Variants in TNKS2 observed in about 807,000 individuals in gnomAD.
TNKS2 encodes poly [ADP-ribose] polymerase tankyrase-2.
A neutral mutation model predicts 137.6 loss-of-function variants in TNKS2; 72 were observed. The observed-to-expected ratio is 0.52, with a 90% CI of 0.43 to 0.64. TNKS2 has a LOEUF of 0.64. Ranked by LOEUF, TNKS2 falls within the 30% of genes least tolerant of loss-of-function variation. The pLI, the probability that TNKS2 is intolerant of heterozygous loss-of-function variation, is 0.00. For missense variants in TNKS2, 1,049 were observed against 1,410.2 expected (o/e 0.74, Z 4.10); for synonymous variants, 516 against 512.1 (o/e 1.01, Z -0.10).
intron 1 of TNKS2, chr10:91,807,043 G>T: frequency 9.1e-7 from 1 of 1,104,798 alleles, no homozygotes; most frequent in South Asian, 1.6e-5. Context: ...ACATTAAAAA[G>T]AAAATTACAA....
At chr10:91,855,562 G>T in intron 22 of TNKS2, 52 bp from the exon 23 acceptor site, 1 of 1,405,686 alleles carries the variant, frequency 7.1e-7, no homozygotes, top group South Asian at 1.2e-5. Context: ...CCCCAAATCA[G>T]AAAATAACAC....
intron 18 of TNKS2, among the ~76,000 whole-genome samples, chr10:91,848,065 A>G (rs950391088): frequency 8.5e-5 from 13 of 152,218 alleles, no homozygotes; most frequent in Non-Finnish European, 1.6e-4. Flanking sequence ...CGGCTTTTGG[A>G]TATTTTTTTC....
chr10:91,843,365 C>G (rs1243322663), intron 16 of TNKS2, among the ~76,000 whole-genome samples: 1 of 152,148 alleles, frequency 6.6e-6, no homozygotes, highest in South Asian at 2.1e-4. Context: ...TCTATATGTC[C>G]TAGTCTCTAC....
In TNKS2 at chr10:91,820,048, A is replaced by G; in HGVS notation, c.728+15A>G. The G allele has an allele frequency of 6.6e-7, 1 of 1,513,180 alleles. No individual in the cohort carries two copies. The highest frequency in any genetic ancestry group is 8.9e-7 in the Non-Finnish European group (1 of 1,123,606). 93.7% of individuals were successfully genotyped at this position (1,513,180 alleles called of 1,614,324 possible). The stretch of plus-strand genomic sequence containing the variant: ...AAAGATAAAGGGTAAGCATTTGAAC[A>G]AAAACAAGGACTTTTTAAATGTTAC... On this transcript the variant is annotated intron_variant, in intron 6 of 26. Coordinates refer to ENST00000371627, the MANE Select transcript of TNKS2 (RefSeq NM_025235.4).
intron 7 of TNKS2, 130 bp downstream of exon 7, chr10:91,822,492 CA>C: frequency 5.9e-6 from 4 of 678,944 alleles, no homozygotes; most frequent in Non-Finnish European, 7.4e-6. Flanking sequence ...TATTTATAAG[CA>C]TTATAAAATA....
rs974699622 is a variant in TNKS2, at chr10:91,845,675, C to T, written c.2170-77C>T. ...AAGTTTGAAAATGTGGAAGTAGGTA[C>T]GTAACTAGTTTCATTTTAAGAAAGT... On this transcript the variant is annotated intron_variant, in intron 17 of 26. Transcript: ENST00000371627. The T allele has an allele frequency of 2.8e-5, 33 of 1,188,774 alleles. No homozygotes were observed. The East Asian group carries it at 8.2e-4, about 29-fold the overall frequency. The allele number at this position is 1,188,774 out of a possible 1,614,324, so 73.6% of individuals were successfully genotyped here.
intron 9 of TNKS2, among the ~76,000 whole-genome samples, chr10:91,829,351 A>G (rs896790925): frequency 2.0e-5 from 3 of 152,200 alleles, no homozygotes; most frequent in African/African-American, 7.2e-5. Flanking sequence ...CCACAACAGC[A>G]TTAAAACTGT....
intron 3 of TNKS2, among the ~76,000 whole-genome samples, chr10:91,818,951 A>G (rs1844797970): frequency 6.6e-6 from 1 of 152,186 alleles, no homozygotes; most frequent in South Asian, 2.1e-4. Flanking sequence ...CTATGACCCA[A>G]GATAAACTTT....
intron 13 of TNKS2, among the ~76,000 whole-genome samples, chr10:91,838,233 G>T (rs1255454714): frequency 6.6e-6 from 1 of 151,798 alleles, no homozygotes; most frequent in African/African-American, 2.4e-5. Flanking sequence ...AAGTTGGGGG[G>T]CAGGAAATGG....
intron 15 of TNKS2, among the ~76,000 whole-genome samples, chr10:91,841,784 A>C (rs1251547210): frequency 6.6e-6 from 1 of 152,122 alleles, no homozygotes; most frequent in Non-Finnish European, 1.5e-5. Context: ...GCATTGATAA[A>C]ATGGATGATA....
rs550496111 is a variant in TNKS2, at chr10:91,858,991, A to G, written c.3095-471A>G. Reference sequence around the variant, plus strand: ...GCCACTGCACTCCAGCCTGGGCCACAGAGCGAGACTACATCTCAAAAAAAT... The same window carrying G: ...GCCACTGCACTCCAGCCTGGGCCACGGAGCGAGACTACATCTCAAAAAAAT... On this transcript the variant is annotated intron_variant, in intron 24 of 26. Coordinates refer to ENST00000371627, the MANE Select transcript of TNKS2 (RefSeq NM_025235.4). Among the ~76,000 whole-genome samples the G allele has an allele frequency of 4.6e-5, 7 of 152,294 alleles. No homozygotes were observed. The South Asian group carries it at 1.5e-3, about 32-fold the overall frequency.
chr10:91,828,696 C>T (rs1403947192), intron 9 of TNKS2, among the ~76,000 whole-genome samples: 1 of 152,070 alleles, frequency 6.6e-6, no homozygotes, highest in Non-Finnish European at 1.5e-5. Context: ...TATAGTTTGC[C>T]TTTTTAGGGG....
rs1490205195 is a variant in TNKS2, at chr10:91,828,350, C to T, written c.1048C>T (p.His350Tyr). Residue 350 changes from histidine (H) to tyrosine (Y), a missense_variant, in exon 9 of 27, where the codon CAT (histidine) becomes TAT (tyrosine). By Grantham distance (83) the His-to-Tyr change is moderately conservative. Coordinates refer to ENST00000371627, the MANE Select transcript of TNKS2 (RefSeq NM_025235.4). The part of the protein sequence containing the change: ...READVTRIKK[H>Y]LSLEMVNFKH... The stretch of plus-strand genomic sequence containing the variant: ...AGCTGATGTTACTCGAATCAAAAAA[C>T]ATCTCTCTCTGGAAATGGTGAATTT... The T allele has an allele frequency of 3.1e-6, 5 of 1,609,190 alleles. No homozygotes were observed. In the African/African-American group the frequency reaches 6.7e-5, roughly 22 times the overall value.
At position 91,834,008 on chromosome 10, in the gene TNKS2, A is replaced by T. The variant is rs762133734; in HGVS notation, c.1431A>T (p.Val477=). The change falls in exon 12 of 27, where the codon GTA becomes GTT. Residue 477 remains valine, a synonymous_variant. Transcript: ENST00000371627. The part of the protein sequence containing the change: ...FTALQMGNEN[V]QQLLQEGISL... ...CTTTACAGATGGGAAATGAAAATGT[A>T]CAGCAACTCCTCCAAGGTATTACAT... 7 of 1,601,196 alleles carry T rather than the reference A, an allele frequency of 4.4e-6. No homozygotes were observed. In the Middle Eastern group the frequency reaches 6.6e-4, roughly 152 times the overall value.
chr10:91,831,285 C>T (rs1589668948), intron 11 of TNKS2, 104 bp downstream of exon 11: 4 of 1,011,826 alleles, frequency 4.0e-6, no homozygotes, highest in Non-Finnish European at 3.0e-6. Context: ...ATAAGTATTA[C>T]TTTTTTTTCC....
chr10:91,829,002 A>G (rs1319260588), intron 9 of TNKS2, among the ~76,000 whole-genome samples: 2 of 152,186 alleles, frequency 1.3e-5, no homozygotes, highest in African/African-American at 4.8e-5. Context: ...ATCAGGGGCT[A>G]CCTTAAAATT....
chr10:91,835,417 G>A (rs1312263514), intron 12 of TNKS2, among the ~76,000 whole-genome samples: 1 of 150,642 alleles, frequency 6.6e-6, no homozygotes, highest in Admixed American at 6.6e-5. Context: ...AGCCTCCCAA[G>A]TAGCTGGGAT....
Position 91,848,613 on chromosome 10 carries a change from T to C in TNKS2, c.2589T>C (p.Ala863=), listed in dbSNP as rs1472505925. 15 of 1,614,040 alleles carry C rather than the reference T, an allele frequency of 9.3e-6. No individual in the cohort carries two copies. Among genetic ancestry groups the C allele is most frequent in the Non-Finnish European group, 1.2e-5 (14 of 1,180,008 alleles). Residue 863 remains alanine, a synonymous_variant, in exon 19 of 27, where the codon GCT becomes GCC. Coordinates refer to ENST00000371627, the MANE Select transcript of TNKS2 (RefSeq NM_025235.4). ...SVVSSSGTEG[A]SSLEKKEVPG... ...TTAGTTCAAGTGGAACAGAGGGTGCTTCCAGTTTGGAGAAAAAGGAGGGTG... is the reference window on the plus strand; with the variant it reads ...TTAGTTCAAGTGGAACAGAGGGTGCCTCCAGTTTGGAGAAAAAGGAGGGTG...
Position 91,831,118 on chromosome 10 carries a change from G to A in TNKS2, c.1212G>A (p.Leu404=). 1.2e-6 allele frequency: 2 copies of A among 1,613,952 alleles called. No individual in the cohort carries two copies. The highest frequency in any genetic ancestry group is 1.7e-6 in the Non-Finnish European group (2 of 1,179,932). ...TCTCTCTAAGATTCTTGACTCCTCT[G>A]CACGTGGCATCTGAGAAAGCTCATA... The part of the protein sequence containing the change: ...NEKTKEFLTP[L]HVASEKAHND... The change falls in exon 11 of 27, where the codon CTG becomes CTA. Residue 404 remains leucine, a synonymous_variant. Coordinates refer to ENST00000371627, the MANE Select transcript of TNKS2 (RefSeq NM_025235.4).
Sources: allele counts gnomAD v4.1 joint callset (sites outside exome capture counted in the v4.1 genomes callset), GRCh38; gene constraint gnomAD v4.1.1; transcripts MANE v1.5; gene names NCBI Gene and HGNC (gene_info 2026-07-23, HGNC 2026-07-21).